Variants in CROCC2 observed in about 807,000 individuals in gnomAD.
CROCC2 encodes ciliary rootlet coiled-coil, rootletin family member 2.
Under a neutral mutation model 177.6 loss-of-function variants are expected in CROCC2, and 163 were observed. That is an observed-to-expected ratio of 0.92 (90% CI 0.81 to 1.05). The LOEUF (loss-of-function observed/expected upper bound fraction) is 1.05, where lower values mean the gene tolerates loss of function less well. CROCC2 is among the 50% of genes least tolerant of loss of function. The pLI is 0.00. For synonymous variants in CROCC2, 904 were observed against 787.3 expected, an observed-to-expected ratio of 1.15 and a Z score of -2.48; for missense variants, 1,929 against 1,797.8, an observed-to-expected ratio of 1.07 and a Z score of -1.32.
At chr2:240,971,504 T>G (rs993671775) in intron 27 of CROCC2, among the ~76,000 whole-genome samples, 1 of 152,192 alleles carries the variant, frequency 6.6e-6, no homozygotes, top group African/African-American at 2.4e-5. Context: ...TCAAGAAATG[T>G]GCGGATTCCC....
intron 5 of CROCC2, among the ~76,000 whole-genome samples, chr2:240,926,622 C>T (rs551126792): frequency 1.1e-4 from 16 of 152,350 alleles, no homozygotes; most frequent in South Asian, 2.1e-4. Flanking sequence ...CAGGTGGAGG[C>T]AGGAGCCGGA....
chr2:240,929,670 C>A (rs1443602918), intron 5 of CROCC2: 1 of 456,072 alleles, frequency 2.2e-6, no homozygotes, highest in East Asian at 6.9e-5. Context: ...CAGACCAACA[C>A]CTGGACATCT....
At chr2:240,967,488 G>A (rs375192735) in intron 26 of CROCC2, 23 bp downstream of exon 26, 265 of 824,398 alleles carry the variant, frequency 3.2e-4, no homozygotes, top group African/African-American at 1.5e-3. Flanking sequence ...GCCCTGCCCC[G>A]CCCACCCTGG....
chr2:240,974,097 C>T (rs182932780), intron 27 of CROCC2, among the ~76,000 whole-genome samples: 5 of 152,278 alleles, frequency 3.3e-5, no homozygotes, highest in Non-Finnish European at 5.9e-5. Flanking sequence ...GCATCATCTT[C>T]GTTATATACA....
At chr2:240,941,031 T>A (rs1253695584) in intron 14 of CROCC2, among the ~76,000 whole-genome samples, 1 of 152,184 alleles carries the variant, frequency 6.6e-6, no homozygotes, top group Admixed American at 6.5e-5. Flanking sequence ...GTAGCTCTGC[T>A]GTACACCAAC....
intron 14 of CROCC2, among the ~76,000 whole-genome samples, chr2:240,941,204 A>T (rs956812394): frequency 2.6e-5 from 4 of 152,244 alleles, no homozygotes; most frequent in Non-Finnish European, 4.4e-5. Context: ...AAATGGAAAC[A>T]CATCCTATGC....
intron 3 of CROCC2, among the ~76,000 whole-genome samples, chr2:240,921,090 C>A (rs1204139864): frequency 6.6e-6 from 1 of 152,220 alleles, no homozygotes; most frequent in African/African-American, 2.4e-5. Flanking sequence ...AGATCTGAAC[C>A]CCTGAAGCAG....
intron 1 of CROCC2, among the ~76,000 whole-genome samples, chr2:240,915,522 G>A (rs1032474030): frequency 6.6e-6 from 1 of 152,174 alleles, no homozygotes; most frequent in Non-Finnish European, 1.5e-5. Context: ...GACATGAGGT[G>A]GGGGGTAACA....
At chr2:240,916,507 T>TC (rs1266170258) in intron 1 of CROCC2, among the ~76,000 whole-genome samples, 4 of 49,440 alleles carry the variant, frequency 8.1e-5, no homozygotes, top group Non-Finnish European at 1.6e-4. Context: ...CGCTCCCCGC[T>TC]CCCCCCGTGT....
chr2:240,934,502 C>T (rs1202980638), intron 12 of CROCC2, 27 bp downstream of exon 12: 1 of 1,539,400 alleles, frequency 6.5e-7, no homozygotes, highest in Non-Finnish European at 8.8e-7. Context: ...ACAACCCCGC[C>T]CCCTCTCCTG....
intron 1 of CROCC2, among the ~76,000 whole-genome samples, chr2:240,916,379 C>CT (rs2059320243): frequency 8.6e-6 from 1 of 116,784 alleles, no homozygotes; most frequent in Admixed American, 8.2e-5. Flanking sequence ...TCTGCGTCCC[C>CT]CTGCGCCCCC....
intron 21 of CROCC2, chr2:240,964,253 G>A (rs1046924080): frequency 4.3e-5 from 26 of 609,570 alleles, no homozygotes; most frequent in Non-Finnish European, 6.5e-5. Flanking sequence ...CTGAAGAGGT[G>A]GATAGTGGAC....
At position 240,982,872 on chromosome 2, in the gene CROCC2, C is replaced by A. The variant is rs757788507; in HGVS notation, c.4402-8C>A. 13 of 1,543,388 alleles carry A rather than the reference C, an allele frequency of 8.4e-6. No individual in the cohort carries two copies. The South Asian group carries it at 1.6e-4, about 19-fold the overall frequency. The stretch of plus-strand genomic sequence containing the variant: ...CTCCAGGTGGACCCTGTGTCTCCTT[C>A]CCCCCAGGAGCAACTGGAAACGCTG... On this transcript the variant is annotated splice_region_variant and splice_polypyrimidine_tract_variant and intron_variant, in intron 27 of 31. Coordinates refer to ENST00000690015, the MANE Select transcript of CROCC2 (RefSeq NM_001351305.2). The surrounding 1 kb of genome is among the most constrained non-coding windows in gnomAD (Gnocchi z 4.7).
At chr2:240,968,358 T>C (rs1392206988) in intron 27 of CROCC2, 96 bp downstream of exon 27, 18 of 1,375,072 alleles carry the variant, frequency 1.3e-5, no homozygotes, top group Non-Finnish European at 1.9e-6. Context: ...GGCCGGGAGG[T>C]GGGAGAGAGG....
At chr2:240,929,656 G>A (rs2059415305) in intron 5 of CROCC2, 1 of 455,804 alleles carries the variant, frequency 2.2e-6, no homozygotes, top group South Asian at 1.5e-5. Context: ...CACCTTCGAA[G>A]TGCCAGACCA....
intron 14 of CROCC2, among the ~76,000 whole-genome samples, chr2:240,940,922 T>C (rs1267892964): frequency 6.6e-6 from 1 of 152,164 alleles, no homozygotes; most frequent in Non-Finnish European, 1.5e-5. Context: ...TGTTTTCCGA[T>C]GATATAATCA....
rs1441156466 is a variant in CROCC2 at position 240,920,216 on chromosome 2, C to CAG, written c.381+85_381+86dup. 6.7e-6 allele frequency: 4 copies of CAG among 595,774 alleles called. No individual in the cohort carries two copies. The African/African-American group carries it at 7.5e-5, about 11-fold the overall frequency. 36.9% of individuals were successfully genotyped at this position (595,774 alleles called of 1,614,324 possible). ...AGGGGTCACTTGTCGGGACGGCAGT[C>CAG]AGAGCCTGGGACCATCGGCAATTTC... On this transcript the variant is annotated intron_variant, in intron 3 of 31. Coordinates refer to ENST00000690015, the MANE Select transcript of CROCC2 (RefSeq NM_001351305.2).
Position 240,950,407 on chromosome 2 carries a change from T to C in CROCC2, c.2726T>C (p.Val909Ala). The part of the protein sequence containing the change: ...RCQLEQEKEL[V>A]TKSAAEREAL... ...CAGCTGGAGCAGGAGAAGGAGCTGG[T>C]GACAAAAAGTGCAGCTGAGAGGGAG... Residue 909 changes from valine (V) to alanine (A), a missense_variant, in exon 18 of 32, where the codon GTG becomes GCG. Val to Ala is a moderately conservative substitution (Grantham distance 64). Coordinates refer to ENST00000690015, the MANE Select transcript of CROCC2 (RefSeq NM_001351305.2). 4 of 1,550,282 alleles carry C rather than the reference T, an allele frequency of 2.6e-6. No individual in the cohort carries two copies. The highest frequency in any genetic ancestry group is 3.5e-6 in the Non-Finnish European group (4 of 1,146,828).
chr2:240,986,806 G>A (rs1304569493), intron 28 of CROCC2, among the ~76,000 whole-genome samples: 1 of 152,166 alleles, frequency 6.6e-6, no homozygotes, highest in Non-Finnish European at 1.5e-5. Flanking sequence ...GTGGGCCCAG[G>A]GTTCTGATGC....
Sources: allele counts gnomAD v4.1 joint callset (sites outside exome capture counted in the v4.1 genomes callset), GRCh38; gene constraint gnomAD v4.1.1; non-coding constraint Gnocchi (gnomAD v3.1); transcripts MANE v1.5; gene names NCBI Gene and HGNC (gene_info 2026-07-23, HGNC 2026-07-21).